The following RAPGEF2 variants were observed in gnomAD, a reference collection of about 807,000 sequenced individuals.
RAPGEF2 encodes the protein Rap guanine nucleotide exchange factor 2.
RAPGEF2 carries 54 observed loss-of-function variants against 186.7 expected under a neutral mutation model. That is an observed-to-expected ratio of 0.29 (90% confidence interval 0.23 to 0.36). The LOEUF is 0.36. Ranked by LOEUF, RAPGEF2 falls within the 10% of genes least tolerant of loss-of-function variation. RAPGEF2 has a pLI of 1.00. For synonymous variants in RAPGEF2, 712 were observed against 705.9 expected, an observed-to-expected ratio of 1.01 and a Z score of -0.14; for missense variants, 1,532 against 2,045.0, an observed-to-expected ratio of 0.75 and a Z score of 4.84.
At chr4:159,156,770 C>G (rs1231190960) in intron 1 of RAPGEF2, among the ~76,000 whole-genome samples, 1 of 152,086 alleles carries the variant, frequency 6.6e-6, no homozygotes, top group Admixed American at 6.6e-5. Context: ...ATAGTTGTTG[C>G]AGTTGGTCTC....
At chr4:159,174,597 AG>A (rs1746257725) in intron 1 of RAPGEF2, among the ~76,000 whole-genome samples, 1 of 152,236 alleles carries the variant, frequency 6.6e-6, no homozygotes, top group Non-Finnish European at 1.5e-5. Flanking sequence ...AGTCTAAAAA[AG>A]CATGCCTTTT....
chr4:159,239,748 T>C (rs984180166), intron 5 of RAPGEF2, among the ~76,000 whole-genome samples: 4 of 152,346 alleles, frequency 2.6e-5, no homozygotes, highest in Middle Eastern at 6.8e-3. Flanking sequence ...TCAGTTGATA[T>C]TCTTACTGTC....
At chr4:159,339,079 TTTC>T (rs1420724310) in intron 18 of RAPGEF2, 32 bp from the exon 19 acceptor site, 1 of 1,587,974 alleles carries the variant, frequency 6.3e-7, no homozygotes, top group Non-Finnish European at 8.6e-7. Flanking sequence ...ATTAAAATTC[TTTC>T]TACTTATGTG....
At chr4:159,339,455 G>A (rs1461824380) in intron 19 of RAPGEF2, 101 bp downstream of exon 19, 2 of 1,361,176 alleles carry the variant, frequency 1.5e-6, no homozygotes, top group Non-Finnish European at 2.0e-6. Context: ...AAATGAGTAA[G>A]TGTCCCTGCG....
intron 1 of RAPGEF2, among the ~76,000 whole-genome samples, chr4:159,139,873 A>G (rs775951110): frequency 1.3e-5 from 2 of 152,186 alleles, no homozygotes; most frequent in African/African-American, 2.4e-5. Context: ...GTTTTGTCCT[A>G]TTAGGGGTGG....
At chr4:159,295,774 C>CAT (rs1561230941) in intron 7 of RAPGEF2, among the ~76,000 whole-genome samples, 36 of 147,164 alleles carry the variant, frequency 2.4e-4, no homozygotes, top group African/African-American at 8.1e-4. Flanking sequence ...CGCGCGCGCG[C>CAT]ATGCACATAA....
At chr4:159,151,978 TC>T (rs1157749877) in intron 1 of RAPGEF2, among the ~76,000 whole-genome samples, 3 of 152,132 alleles carry the variant, frequency 2.0e-5, no homozygotes, top group Non-Finnish European at 2.9e-5. Flanking sequence ...TGTGTCTTGA[TC>T]ACTGAATATG....
chr4:159,287,356 T>G (rs572029782), intron 7 of RAPGEF2, among the ~76,000 whole-genome samples: 14 of 152,182 alleles, frequency 9.2e-5, no homozygotes, highest in East Asian at 3.9e-4. Context: ...GCAAAAAAAT[T>G]TTGATATAAG....
intron 1 of RAPGEF2, among the ~76,000 whole-genome samples, chr4:159,112,692 A>G (rs960289320): frequency 1.3e-5 from 2 of 152,172 alleles, no homozygotes; most frequent in Non-Finnish European, 2.9e-5. Context: ...ATAGAAAATC[A>G]CCAGCAGGTA....
chr4:159,340,656 C>T (rs1729266297), intron 19 of RAPGEF2, among the ~76,000 whole-genome samples: 2 of 138,856 alleles, frequency 1.4e-5, no homozygotes, highest in African/African-American at 2.7e-5. Flanking sequence ...CAAAAAATAC[C>T]ACCACCATCA....
intron 1 of RAPGEF2, among the ~76,000 whole-genome samples, chr4:159,143,832 G>A (rs1294111631): frequency 6.6e-6 from 1 of 152,198 alleles, no homozygotes; most frequent in East Asian, 1.9e-4. Context: ...ATGGAGAAGT[G>A]TAGAGTCTAT....
At chr4:159,183,240 AGAGTT>A (rs1311921775) in intron 1 of RAPGEF2, among the ~76,000 whole-genome samples, 3 of 152,250 alleles carry the variant, frequency 2.0e-5, no homozygotes, top group Non-Finnish European at 4.4e-5. Context: ...CCAGTGGAAT[AGAGTT>A]GAGAGTCCAG....
At chr4:159,355,525 A>C (rs1731844085) in intron 28 of RAPGEF2, among the ~76,000 whole-genome samples, 1 of 152,130 alleles carries the variant, frequency 6.6e-6, no homozygotes, top group Admixed American at 6.5e-5. Context: ...CTTTCCAATA[A>C]ATCCAGGGGT....
chr4:159,313,037 A>G (rs1764130094), intron 8 of RAPGEF2, among the ~76,000 whole-genome samples: 1 of 152,094 alleles, frequency 6.6e-6, no homozygotes. Flanking sequence ...AGTCCCAGCT[A>G]CTCGGGAGGC....
chr4:159,153,437 G>A (rs1414474601), intron 1 of RAPGEF2, among the ~76,000 whole-genome samples: 1 of 152,146 alleles, frequency 6.6e-6, no homozygotes, highest in Non-Finnish European at 1.5e-5. Flanking sequence ...TCCTCACTCT[G>A]TGGAAAAGAA....
intron 28 of RAPGEF2, 89 bp from the exon 29 acceptor site, chr4:159,355,764 G>T (rs1249229433): frequency 6.6e-6 from 8 of 1,204,780 alleles, no homozygotes; most frequent in Non-Finnish European, 9.3e-6. Context: ...CTACACTGTG[G>T]ATGCTGTTTT....
At chr4:159,133,424 T>G (rs1321740716) in intron 1 of RAPGEF2, among the ~76,000 whole-genome samples, 2 of 152,088 alleles carry the variant, frequency 1.3e-5, no homozygotes, top group East Asian at 3.8e-4. Context: ...TATGAATTTT[T>G]TTTTTTTTTC....
At chr4:159,250,328 T>G (rs556652954) in intron 7 of RAPGEF2, among the ~76,000 whole-genome samples, 1 of 151,960 alleles carries the variant, frequency 6.6e-6, no homozygotes, top group South Asian at 2.1e-4. Context: ...AAAATAAAAA[T>G]AATAATAATT....
At chr4:159,152,220 TGG>T (rs1187742582) in intron 1 of RAPGEF2, among the ~76,000 whole-genome samples, 1 of 152,018 alleles carries the variant, frequency 6.6e-6, no homozygotes, top group African/African-American at 2.4e-5. Context: ...GTTTGGAGGC[TGG>T]GGTGGGAGAA....
Sources: allele counts gnomAD v4.1 joint callset (sites outside exome capture counted in the v4.1 genomes callset), GRCh38; gene constraint gnomAD v4.1.1; transcripts MANE v1.5; gene names NCBI Gene and HGNC (gene_info 2026-07-23, HGNC 2026-07-21).